TMEM165: variants seen among roughly 807,000 people sequenced by gnomAD.
The protein encoded by TMEM165 is putative divalent cation/proton antiporter TMEM165.
In TMEM165, 19 loss-of-function variants were observed where a neutral mutation model predicts 30.0. The ratio of observed to expected loss-of-function variants is 0.63; its 90% CI spans 0.44 to 0.93. TMEM165 has a LOEUF of 0.93. Ranked by LOEUF, TMEM165 falls within the 40% of genes least tolerant of loss-of-function variation. The pLI is 0.00. For missense variants in TMEM165, 340 were observed against 417.0 expected (o/e 0.82, Z 1.61); for synonymous variants, 168 against 162.9 (o/e 1.03, Z -0.24).
chr4:55,430,839 C>T (rs942250262), downstream of TMEM165: 2 of 152,194 alleles, frequency 1.3e-5, no homozygotes, highest in African/African-American at 2.4e-5. Flanking sequence ...GGTGTCCACA[C>T]AATAGGCAAG....
downstream of TMEM165, chr4:55,429,249 TCA>T (rs2109584468): frequency 6.6e-6 from 1 of 152,314 alleles, no homozygotes; most frequent in Admixed American, 6.5e-5. Context: ...AGTTTAACCC[TCA>T]GAGTTAAGAA....
At position 55,402,772 on chromosome 4, in the gene TMEM165, A is replaced by G. The variant is rs1308133867; in HGVS notation, c.207+6376A>G. Among the ~76,000 whole-genome samples the G allele has an allele frequency of 4.1e-5, 5 of 121,004 alleles. No individual in the cohort carries two copies. In the South Asian group the frequency reaches 8.2e-4, roughly 20 times the overall value. 79.4% of individuals were successfully genotyped at this position (121,004 alleles called of 152,430 possible). On this transcript the variant is annotated intron_variant, in intron 1 of 5. Coordinates refer to ENST00000381334, the MANE Select transcript of TMEM165 (RefSeq NM_018475.5). Reference sequence around the variant, plus strand: ...TAAGTGCATATATATTTTTGGGCACATTTTTACAACTTTTAAAAAAAGCTT... The same window carrying G: ...TAAGTGCATATATATTTTTGGGCACGTTTTTACAACTTTTAAAAAAAGCTT...
chr4:55,440,467 A>ATGTGG lies in TMEM165; in HGVS notation c.409-11772_409-11771insTGTGG, dbSNP rs1245887848. ...GTCATTACAGTGAGATATGACACTA[A>ATGTGG]CATAGATGTGGCATGACATAACTGT... is the stretch of plus-strand genomic sequence containing the variant. On this transcript the variant is annotated intron_variant, in intron 3 of 3. Transcript: ENST00000608091. Among the ~76,000 whole-genome samples the ATGTGG allele has an allele frequency of 2.0e-5, 3 of 152,240 alleles. No individual in the cohort carries two copies. The East Asian group carries it at 5.8e-4, about 29-fold the overall frequency.
chr4:55,448,596 G>GCGCA (rs1724110289), intron 3 of TMEM165, among the ~76,000 whole-genome samples: 1 of 108,718 alleles, frequency 9.2e-6, no homozygotes, highest in Non-Finnish European at 1.7e-5. Flanking sequence ...GCGCGCGCAC[G>GCGCA]CGCGCGTGTG....
intron 2 of TMEM165, among the ~76,000 whole-genome samples, chr4:55,414,253 G>C (rs547494589): frequency 9.4e-4 from 140 of 149,520 alleles, no homozygotes; most frequent in African/African-American, 3.0e-3. Flanking sequence ...CTGGGCGACA[G>C]AGTGAGACTC....
chr4:55,427,906 A>G (rs940285490), downstream of TMEM165: 3 of 152,240 alleles, frequency 2.0e-5, no homozygotes, highest in African/African-American at 7.2e-5. Flanking sequence ...AATGTCATTG[A>G]TAGTGATCTT....
intron 3 of TMEM165, chr4:55,449,534 TA>T: frequency 6.8e-7 from 1 of 1,477,286 alleles, no homozygotes; most frequent in Non-Finnish European, 9.5e-7. Context: ...TAGTACTTTA[TA>T]AAATATAGTT....
chr4:55,411,918 T>A, intron 2 of TMEM165, 79 bp downstream of exon 2: 1 of 1,353,988 alleles, frequency 7.4e-7, no homozygotes, highest in Non-Finnish European at 1.0e-6. Flanking sequence ...ACTGAGTCAT[T>A]AACCTAGTCT....
At chr4:55,416,855 G>C (rs1721750879) in intron 2 of TMEM165, 2 of 397,846 alleles carry the variant, frequency 5.0e-6, no homozygotes, top group Admixed American at 4.4e-5. Flanking sequence ...TGGACCATTG[G>C]CTTCTGAGTA....
intron 4 of TMEM165, chr4:55,423,366 GC>G (rs1180219754): frequency 6.6e-6 from 1 of 152,248 alleles, no homozygotes; most frequent in East Asian, 1.9e-4. Flanking sequence ...CAGGGCTGTT[GC>G]CATAGCATCG....
intron 3 of TMEM165, among the ~76,000 whole-genome samples, chr4:55,445,829 C>T (rs781207291): frequency 6.6e-6 from 1 of 151,868 alleles, no homozygotes; most frequent in Non-Finnish European, 1.5e-5. Context: ...CTCATTGGCT[C>T]AAGAAGTCCT....
chr4:55,435,424 T>C, intron 3 of TMEM165: 1 of 1,613,966 alleles, frequency 6.2e-7, no homozygotes. Context: ...GCTACTGTGG[T>C]TGAACCTTGG....
intron 1 of TMEM165, among the ~76,000 whole-genome samples, chr4:55,402,381 G>T (rs1721034164): frequency 1.4e-5 from 1 of 69,692 alleles, no homozygotes; most frequent in Non-Finnish European, 2.8e-5. Context: ...CATTGTTTAA[G>T]TGCGTGCGTG....
At chr4:55,403,526 T>C (rs1348888802) in intron 1 of TMEM165, among the ~76,000 whole-genome samples, 1 of 146,456 alleles carries the variant, frequency 6.8e-6, no homozygotes, top group African/African-American at 2.5e-5. Context: ...ATTTTTACAT[T>C]TGGAATTAAA....
chr4:55,427,234 C>T (rs1024235256), downstream of TMEM165, among the ~76,000 whole-genome samples: 5 of 151,460 alleles, frequency 3.3e-5, no homozygotes, highest in Admixed American at 6.6e-5. Context: ...GATGGAGTTT[C>T]GCCATGCTGG....
chr4:55,412,987 A>ATTTT (rs962814869), intron 2 of TMEM165, among the ~76,000 whole-genome samples: 1 of 150,696 alleles, frequency 6.6e-6, no homozygotes, highest in African/African-American at 2.4e-5. Context: ...TTATTTATTT[A>ATTTT]TTTTTTTTTA....
intron 2 of TMEM165, among the ~76,000 whole-genome samples, chr4:55,414,428 T>G (rs549909127): frequency 7.2e-5 from 11 of 152,326 alleles, no homozygotes; most frequent in Non-Finnish European, 2.9e-5. Context: ...TTATTTAGTT[T>G]TATAGATTTA....
Position 55,395,973 on chromosome 4 carries a change from C to A in TMEM165, c.-217C>A, listed in dbSNP as rs1026320333. The stretch of plus-strand genomic sequence containing the variant: ...CAGCTGGCTGACTCCAGTTTAGCCG[C>A]CGCCGGAGAGGACGGGCGCCGAGCC... On this transcript the variant is annotated 5_prime_UTR_variant, in exon 1 of 6. Coordinates refer to ENST00000381334, the MANE Select transcript of TMEM165 (RefSeq NM_018475.5). 2 of 380,114 alleles carry A rather than the reference C, an allele frequency of 5.3e-6. No homozygotes were observed. Among genetic ancestry groups the A allele is most frequent in the African/African-American group, 4.3e-5 (2 of 46,980 alleles). The allele number at this position is 380,114 out of a possible 1,614,324, so 23.5% of individuals were successfully genotyped here.
intron 3 of TMEM165, chr4:55,444,870 T>C (rs1723673190): frequency 3.7e-6 from 5 of 1,361,932 alleles, no homozygotes; most frequent in Non-Finnish European, 5.1e-6. Context: ...GTAAGCAGTA[T>C]AACATGAGTG....
Sources: gnomAD v4.1 joint callset for allele counts (sites outside exome capture counted in the v4.1 genomes callset) on GRCh38, gnomAD v4.1.1 for gene constraint, MANE v1.5 for transcripts, NCBI Gene and HGNC (gene_info 2026-07-23, HGNC 2026-07-21) for gene names.